The following COL19A1 variants were observed in gnomAD, a reference collection of about 807,000 sequenced individuals.
COL19A1 encodes the protein collagen type XIX alpha 1 chain.
In COL19A1, 159 loss-of-function variants were observed where a neutral mutation model predicts 190.2. The ratio of observed to expected loss-of-function variants is 0.84; its 90% CI spans 0.73 to 0.95. The LOEUF (loss-of-function observed/expected upper bound fraction) is 0.95. COL19A1 is among the 40% of genes least tolerant of loss of function. The probability of loss-of-function intolerance (pLI) is 0.00; values close to 1 mark genes in which losing one functional copy is unlikely to be tolerated. For missense variants in COL19A1, 1,418 were observed against 1,431.9 expected, an observed-to-expected ratio of 0.99 and a Z score of 0.16; for synonymous variants, 509 against 458.9, an observed-to-expected ratio of 1.11 and a Z score of -1.39.
chr6:69,891,214 A>AC lies in COL19A1; in HGVS notation c.92-7734_92-7733insC, dbSNP rs200404506. On this transcript the variant is annotated intron_variant, in intron 2 of 50. Coordinates refer to ENST00000620364, the MANE Select transcript of COL19A1 (RefSeq NM_001858.6). ...AAACACCCAGCTAGCAAAAAAAAAA[A>AC]AAAAAACTTTACCCTTTTGCTAGTA... The AC allele has an allele frequency of 5.8e-3, 897 of 155,446 alleles. 26 individuals carry two copies. In the East Asian group the frequency reaches 0.075, roughly 13 times the overall value. The allele number at this position is 155,446 out of a possible 1,614,324, so 9.6% of individuals were successfully genotyped here. A position where few individuals can be genotyped will look rare whatever the true frequency, so the allele number is the denominator to read the frequency against.
chr6:70,199,900 T>G, intron 49 of COL19A1, 164 bp downstream of exon 49: 1 of 668,848 alleles, frequency 1.5e-6, no homozygotes, highest in South Asian at 2.0e-5. Context: ...AATCTCTTTA[T>G]AATATTTGAC....
intron 11 of COL19A1, among the ~76,000 whole-genome samples, chr6:69,971,748 G>C (rs1775438590): frequency 6.6e-6 from 1 of 152,064 alleles, no homozygotes; most frequent in Admixed American, 6.6e-5. Context: ...TGGAATTTCT[G>C]ACCAATGTCA....
At chr6:70,156,472 A>T in intron 33 of COL19A1, 103 bp downstream of exon 33, 1 of 1,018,900 alleles carries the variant, frequency 9.8e-7, no homozygotes. Context: ...CATACTATAT[A>T]TATATATGTA....
intron 11 of COL19A1, among the ~76,000 whole-genome samples, chr6:70,000,239 G>A (rs966066752): frequency 2.0e-5 from 3 of 152,166 alleles, no homozygotes; most frequent in African/African-American, 7.2e-5. Context: ...TGGTGTATAT[G>A]TACAACATTT....
chr6:69,944,060 T>A (rs1773635154), intron 9 of COL19A1, among the ~76,000 whole-genome samples: 1 of 152,160 alleles, frequency 6.6e-6, no homozygotes. Context: ...CCTTGTTCAC[T>A]TTTGCTCCAA....
At chr6:70,175,359 T>C (rs977177146) in intron 41 of COL19A1, among the ~76,000 whole-genome samples, 2 of 152,116 alleles carry the variant, frequency 1.3e-5, no homozygotes, top group African/African-American at 4.8e-5. Flanking sequence ...CAAAATGACT[T>C]CTACTTTTAT....
intron 11 of COL19A1, among the ~76,000 whole-genome samples, chr6:69,992,637 T>C (rs1345975958): frequency 6.6e-6 from 1 of 152,100 alleles, no homozygotes; most frequent in Non-Finnish European, 1.5e-5. Context: ...CTTTCAGTAG[T>C]GTTTGGTAAT....
At chr6:70,017,447 C>G (rs1034232468) in intron 11 of COL19A1, among the ~76,000 whole-genome samples, 1 of 152,026 alleles carries the variant, frequency 6.6e-6, no homozygotes, top group African/African-American at 2.4e-5. Context: ...CTATTGCACC[C>G]TACATGTACA....
chr6:69,882,147 A>T (rs1021797654), intron 2 of COL19A1, among the ~76,000 whole-genome samples: 9 of 152,198 alleles, frequency 5.9e-5, no homozygotes, highest in Non-Finnish European at 5.9e-5. Flanking sequence ...GGACCTTTTA[A>T]TTGCTGTACC....
chr6:69,936,780 T>G lies in COL19A1; in HGVS notation c.748-5T>G. On this transcript the variant is annotated splice_region_variant and splice_polypyrimidine_tract_variant and intron_variant, in intron 7 of 50. Transcript: ENST00000620364. ...CATTTCCTAAAGCCTCTTTTTGGATTTTAGTGCCCAGAGCAGGATGGCTTT... is the reference window on the plus strand; with the variant it reads ...CATTTCCTAAAGCCTCTTTTTGGATGTTAGTGCCCAGAGCAGGATGGCTTT... The G allele has an allele frequency of 6.2e-7, 1 of 1,612,178 alleles. No individual in the cohort carries two copies. Among genetic ancestry groups the G allele is most frequent in the Non-Finnish European group, 8.5e-7 (1 of 1,178,740 alleles).
rs59608953 is a variant in COL19A1 at position 70,106,329 on chromosome 6, C to CATGTGTGTGT, written c.1278+4107_1278+4108insATGTGTGTGT. ...TTTCTGACAAATAGCTAAGTGTGTG[C>CATGTGTGTGT]GTGTGTGTGTGTGTGTGTGTGTGTG... On this transcript the variant is annotated intron_variant, in intron 16 of 50. Transcript: ENST00000620364. Among the ~76,000 whole-genome samples the CATGTGTGTGT allele has an allele frequency of 3.9e-3, 584 of 149,438 alleles. 5 individuals are homozygous for CATGTGTGTGT. The highest frequency in any genetic ancestry group is 6.6e-3 in the South Asian group (31 of 4,732).
intron 11 of COL19A1, among the ~76,000 whole-genome samples, chr6:69,996,259 G>A (rs558433241): frequency 9.9e-5 from 15 of 152,042 alleles, no homozygotes; most frequent in East Asian, 1.9e-4. Flanking sequence ...ATGTATATTC[G>A]GACAGCTATA....
chr6:69,936,931 G>A (rs945519215), intron 8 of COL19A1, 21 bp downstream of exon 8: 2 of 1,611,110 alleles, frequency 1.2e-6, no homozygotes, highest in Non-Finnish European at 1.7e-6. Context: ...TTTAATTGGT[G>A]CACACTGAAA....
chr6:70,165,164 G>A (rs1397281837), intron 36 of COL19A1, among the ~76,000 whole-genome samples: 1 of 152,182 alleles, frequency 6.6e-6, no homozygotes, highest in Non-Finnish European at 1.5e-5. Flanking sequence ...GTTATAGGAA[G>A]AACTGCTGAG....
chr6:69,918,422 G>T (rs1360714877), intron 4 of COL19A1, among the ~76,000 whole-genome samples: 1 of 152,094 alleles, frequency 6.6e-6, no homozygotes, highest in Non-Finnish European at 1.5e-5. Flanking sequence ...AAGGGCTTGG[G>T]GTGGTGGCTC....
rs141292145 is a variant in COL19A1, at chr6:69,890,967, C to T, written c.92-7981C>T. On this transcript the variant is annotated intron_variant, in intron 2 of 50. Coordinates refer to ENST00000620364, the MANE Select transcript of COL19A1 (RefSeq NM_001858.6). ...GACAGGGGTTGCTGTTTTGGGGAAA[C>T]GGAAGTCGGAGCTCCTTCAGAGGCC... 2.2e-3 allele frequency: 502 copies of T among 229,050 alleles called. 4 individuals are homozygous for T. The highest frequency in any genetic ancestry group is 2.1e-3 in the Non-Finnish European group (230 of 108,090). 14.2% of individuals were successfully genotyped at this position (229,050 alleles called of 1,614,324 possible).
At chr6:70,150,805 A>C (rs1426908544) in intron 30 of COL19A1, among the ~76,000 whole-genome samples, 1 of 152,040 alleles carries the variant, frequency 6.6e-6, no homozygotes, top group East Asian at 1.9e-4. Context: ...TCACTTGTGC[A>C]TTTTTCTGGG....
At chr6:70,095,246 T>C (rs80337795) in intron 15 of COL19A1, among the ~76,000 whole-genome samples, 34,348 of 152,160 alleles carry the variant, frequency 0.23, 4,525 homozygotes, top group Non-Finnish European at 0.3. Flanking sequence ...TTCCATTGTA[T>C]GAATAAACCA....
rs538767233 is a variant in COL19A1, at chr6:69,923,462, C to T, written c.267-4447C>T. On this transcript the variant is annotated intron_variant, in intron 4 of 50. Coordinates refer to ENST00000620364, the MANE Select transcript of COL19A1 (RefSeq NM_001858.6). The stretch of plus-strand genomic sequence containing the variant: ...TGGTAGTTCCCTAAAAACCCCAATT[C>T]TTAGTTGGTCTTTATTTGACCTGAT... Among the ~76,000 whole-genome samples, 174 of 152,256 alleles carry T rather than the reference C, an allele frequency of 1.1e-3. 1 individual carries two copies. The highest frequency in any genetic ancestry group is 3.9e-3 in the African/African-American group (162 of 41,558).
Sources: allele counts gnomAD v4.1 joint callset (sites outside exome capture counted in the v4.1 genomes callset), GRCh38; gene constraint gnomAD v4.1.1; transcripts MANE v1.5; gene names NCBI Gene and HGNC (gene_info 2026-07-23, HGNC 2026-07-21).